CTNNA3: variants seen among roughly 807,000 people sequenced by gnomAD.
CTNNA3 encodes catenin alpha 3, also known as catenin alpha-3.
A neutral mutation model predicts 95.7 loss-of-function variants in CTNNA3; 76 were observed. The observed-to-expected ratio is 0.79, with a 90% CI of 0.66 to 0.96. The LOEUF (loss-of-function observed/expected upper bound fraction) is 0.96, where lower values mean the gene tolerates loss of function less well. Among genes scored for constraint, CTNNA3 ranks in the 40% least tolerant of loss-of-function variants. The pLI, the probability that CTNNA3 is intolerant of heterozygous loss-of-function variation, is 0.00. For missense variants in CTNNA3, 1,191 were observed against 1,089.8 expected (o/e 1.09, Z -1.31); for synonymous variants, 431 against 374.4 (o/e 1.15, Z -1.74).
intron 1 of CTNNA3, among the ~76,000 whole-genome samples, chr10:67,724,891 T>A (rs2133622182): frequency 6.6e-6 from 1 of 152,220 alleles, no homozygotes; most frequent in Non-Finnish European, 1.5e-5. Flanking sequence ...AAATACATAT[T>A]TATACAACAA....
intron 12 of CTNNA3, among the ~76,000 whole-genome samples, chr10:66,296,508 C>G (rs564220457): frequency 1.1e-4 from 17 of 151,604 alleles, no homozygotes; most frequent in African/African-American, 3.4e-4. Context: ...TTAAAAATAG[C>G]CAAGGTTAGA....
chr10:66,427,695 C>A (rs930537687), intron 11 of CTNNA3, among the ~76,000 whole-genome samples: 1 of 152,056 alleles, frequency 6.6e-6, no homozygotes, highest in Non-Finnish European at 1.5e-5. Flanking sequence ...TATAGACAAG[C>A]AAATGCTGAG....
At chr10:65,939,735 C>T (rs1030231554) in intron 17 of CTNNA3, among the ~76,000 whole-genome samples, 4 of 152,100 alleles carry the variant, frequency 2.6e-5, no homozygotes, top group Admixed American at 1.3e-4. Flanking sequence ...GCTCAAACTA[C>T]TATTATTGTA....
At chr10:66,732,441 G>A (rs751008743) in intron 9 of CTNNA3, among the ~76,000 whole-genome samples, 8 of 152,108 alleles carry the variant, frequency 5.3e-5, no homozygotes, top group Non-Finnish European at 8.8e-5. Context: ...CGACATTCTC[G>A]AGACTGGTTC....
At chr10:67,354,572 C>G (rs1053573021) in intron 5 of CTNNA3, among the ~76,000 whole-genome samples, 1 of 151,778 alleles carries the variant, frequency 6.6e-6, no homozygotes, top group African/African-American at 2.4e-5. Flanking sequence ...AGCCAAAAGG[C>G]CCCTTCAGCA....
At chr10:66,007,617 T>C (rs2078913865) in intron 15 of CTNNA3, among the ~76,000 whole-genome samples, 1 of 152,066 alleles carries the variant, frequency 6.6e-6, no homozygotes, top group East Asian at 1.9e-4. Flanking sequence ...TACTTAAATA[T>C]TTGGACCTGG....
At chr10:66,495,096 C>T (rs1840057008) in intron 11 of CTNNA3, among the ~76,000 whole-genome samples, 1 of 152,102 alleles carries the variant, frequency 6.6e-6, no homozygotes, top group African/African-American at 2.4e-5. Context: ...CATTGCACAC[C>T]CCATCAGCCT....
chr10:67,330,139 G>A (rs181356075), intron 5 of CTNNA3, among the ~76,000 whole-genome samples: 1 of 152,314 alleles, frequency 6.6e-6, no homozygotes, highest in African/African-American at 2.4e-5. Flanking sequence ...GAAACTGGGA[G>A]GTATAGCTGC....
At chr10:66,261,569 C>A (rs2091004122) in intron 13 of CTNNA3, among the ~76,000 whole-genome samples, 1 of 151,982 alleles carries the variant, frequency 6.6e-6, no homozygotes, top group African/African-American at 2.4e-5. Context: ...CAGGGGTTAA[C>A]AAGAATTCTG....
intron 5 of CTNNA3, among the ~76,000 whole-genome samples, chr10:67,223,948 T>C (rs557540284): frequency 3.9e-5 from 6 of 152,332 alleles, no homozygotes; most frequent in African/African-American, 1.2e-4. Context: ...TCCAGCTTTA[T>C]TGAGGTACAA....
At chr10:67,500,258 C>T (rs183999834) in intron 5 of CTNNA3, among the ~76,000 whole-genome samples, 1 of 152,264 alleles carries the variant, frequency 6.6e-6, no homozygotes, top group African/African-American at 2.4e-5. Context: ...ATCTCTTAAA[C>T]CTGAGTTCTA....
intron 12 of CTNNA3, among the ~76,000 whole-genome samples, chr10:66,366,650 A>G (rs1485017856): frequency 6.6e-6 from 1 of 152,174 alleles, no homozygotes; most frequent in Non-Finnish European, 1.5e-5. Context: ...CTCCAGCTCC[A>G]GAACTGTGAG....
chr10:66,280,460 G>T lies in CTNNA3; in HGVS notation c.1884+10C>A. 1.2e-6 allele frequency: 2 copies of T among 1,600,228 alleles called. No individual in the cohort carries two copies. The highest frequency in any genetic ancestry group is 1.7e-6 in the Non-Finnish European group (2 of 1,174,640). On this transcript the variant is annotated intron_variant, in intron 13 of 17. Transcript: ENST00000433211. Reference sequence around the variant, plus strand: ...TTGCAATAATTCAATGGAAGGAAAAGCAAACTTACCCGAATCATCATGACT... The same window carrying T: ...TTGCAATAATTCAATGGAAGGAAAATCAAACTTACCCGAATCATCATGACT...
At chr10:66,251,520 A>G (rs575215968) in intron 13 of CTNNA3, among the ~76,000 whole-genome samples, 4 of 152,242 alleles carry the variant, frequency 2.6e-5, no homozygotes, top group African/African-American at 9.6e-5. Context: ...ATTTCTACCA[A>G]GGCAATTATA....
At chr10:67,441,264 C>CAAA (rs760690984) in intron 5 of CTNNA3, among the ~76,000 whole-genome samples, 2 of 97,602 alleles carry the variant, frequency 2.0e-5, no homozygotes, top group African/African-American at 7.1e-5. Flanking sequence ...TGAGAGAAGA[C>CAAA]AAAAAAAAAA....
intron 11 of CTNNA3, among the ~76,000 whole-genome samples, chr10:66,437,071 G>T (rs2093343119): frequency 6.6e-6 from 1 of 152,086 alleles, no homozygotes; most frequent in African/African-American, 2.4e-5. Context: ...TTAGTCTGAT[G>T]TGCTTCTCTT....
chr10:67,059,311 T>C (rs913795304), intron 7 of CTNNA3, among the ~76,000 whole-genome samples: 1 of 152,222 alleles, frequency 6.6e-6, no homozygotes, highest in African/African-American at 2.4e-5. Flanking sequence ...ATGTCAAAAA[T>C]GGTAGAGACT....
At chr10:67,389,908 A>G (rs1275923683) in intron 5 of CTNNA3, among the ~76,000 whole-genome samples, 1 of 151,532 alleles carries the variant, frequency 6.6e-6, no homozygotes, top group African/African-American at 2.4e-5. Context: ...CATTCAAAGC[A>G]GTGTGTAGAG....
chr10:67,237,131 T>C (rs1589069034), intron 5 of CTNNA3, among the ~76,000 whole-genome samples: 2 of 32,748 alleles, frequency 6.1e-5, no homozygotes, highest in African/African-American at 2.6e-4. Context: ...TGTATGTATA[T>C]ATATATATAT....
Sources: allele counts gnomAD v4.1 joint callset (sites outside exome capture counted in the v4.1 genomes callset), GRCh38; gene constraint gnomAD v4.1.1; transcripts MANE v1.5; gene names NCBI Gene and HGNC (gene_info 2026-07-23, HGNC 2026-07-21).